The following EPB41L4A variants were observed in gnomAD, a reference collection of about 807,000 sequenced individuals.
The protein encoded by EPB41L4A is erythrocyte membrane protein band 4.1 like 4A, also known as band 4.1-like protein 4A.
A neutral mutation model predicts 108.6 loss-of-function variants in EPB41L4A; 100 were observed. The observed-to-expected ratio is 0.92, with a 90% CI of 0.78 to 1.09. The LOEUF (loss-of-function observed/expected upper bound fraction) is 1.09, where lower values mean the gene tolerates loss of function less well. EPB41L4A is among the 50% of genes least tolerant of loss of function. The pLI is 0.00. For missense variants in EPB41L4A, 1,030 were observed against 842.7 expected (o/e 1.22, Z -2.75); for synonymous variants, 319 against 289.0 (o/e 1.10, Z -1.05).
At chr5:112,226,911 A>T (rs1748493031) in intron 12 of EPB41L4A, among the ~76,000 whole-genome samples, 1 of 151,478 alleles carries the variant, frequency 6.6e-6, no homozygotes, top group Non-Finnish European at 1.5e-5. Flanking sequence ...ATGTGAATAT[A>T]TTTAATACTA....
chr5:112,262,855 G>C (rs1474003442), intron 6 of EPB41L4A, among the ~76,000 whole-genome samples: 1 of 152,018 alleles, frequency 6.6e-6, no homozygotes, highest in Non-Finnish European at 1.5e-5. Context: ...CTCAGTTTCA[G>C]AAACCCCTAA....
chr5:112,237,971 A>G (rs1008178583), intron 11 of EPB41L4A, among the ~76,000 whole-genome samples: 5 of 152,234 alleles, frequency 3.3e-5, no homozygotes, highest in African/African-American at 1.2e-4. Context: ...ATGATACTTA[A>G]TATGCAAAAT....
chr5:112,169,066 C>A lies in EPB41L4A; in HGVS notation c.1779G>T (p.Ser593=). 1 of 1,614,052 alleles carries A rather than the reference C, an allele frequency of 6.2e-7. No individual in the cohort carries two copies. Among genetic ancestry groups the A allele is most frequent in the Non-Finnish European group, 8.5e-7 (1 of 1,179,990 alleles). The change falls in exon 21 of 23, where the codon TCG becomes TCT. Residue 593 remains serine (S), a synonymous_variant. Coordinates refer to ENST00000261486, the MANE Select transcript of EPB41L4A (RefSeq NM_022140.5). ...TGCGATACTGGCGGTAACTTCGTGGCGAATGAGAATGCCTGATGCGGATTG... is the reference window on the plus strand; with the variant it reads ...TGCGATACTGGCGGTAACTTCGTGGAGAATGAGAATGCCTGATGCGGATTG... The part of the protein sequence containing the change: ...GDPIRIRHSH[S]PRSYRQYRRS...
intron 2 of EPB41L4A, among the ~76,000 whole-genome samples, chr5:112,302,222 T>C (rs1032462959): frequency 5.9e-5 from 9 of 152,092 alleles, no homozygotes; most frequent in African/African-American, 1.2e-4. Context: ...AAAAAATTCA[T>C]AGACCAGGTA....
Position 112,418,960 on chromosome 5 carries a change from G to C in EPB41L4A, c.80C>G (p.Thr27Ser). ...ACCCACCTTGATGCCCTGCTGCTGG[G>C]TGGTAAGGGTTAACTTGGATTCATC... ...LLDESKLTLT[T>S]QQQGIKKSTK... Residue 27 changes from threonine (T) to serine (S), a missense_variant, in exon 1 of 23, where the codon ACC becomes AGC. Transcript: ENST00000261486. 1 of 1,613,260 alleles carries C rather than the reference G, an allele frequency of 6.2e-7. No individual in the cohort carries two copies. The highest frequency in any genetic ancestry group is 8.5e-7 in the Non-Finnish European group (1 of 1,179,532).
intron 15 of EPB41L4A, 141 bp from the exon 16 acceptor site, chr5:112,195,849 A>G: frequency 1.4e-6 from 1 of 705,744 alleles, no homozygotes; most frequent in Admixed American, 2.6e-5. Flanking sequence ...TCATATGTAT[A>G]TGCCTAACCC....
intron 1 of EPB41L4A, among the ~76,000 whole-genome samples, chr5:112,314,470 C>T (rs185002809): frequency 8.0e-6 from 1 of 125,384 alleles, no homozygotes; most frequent in East Asian, 2.4e-4. Flanking sequence ...GAGTTCGACA[C>T]CTGCCTCACC....
At chr5:112,290,522 C>T (rs367603675) in intron 2 of EPB41L4A, among the ~76,000 whole-genome samples, 6 of 152,250 alleles carry the variant, frequency 3.9e-5, no homozygotes, top group African/African-American at 1.2e-4. Context: ...CGTGAGTGGA[C>T]TCTAAAATAA....
In EPB41L4A at chr5:112,419,082, G is replaced by A. The variant is rs201471943; in HGVS notation, c.-43C>T. ...CCAGCCAGGAGAGAAAGCTACCACC[G>A]AGGCGCCCAGCCGCCCCCTCCACTC... On this transcript the variant is annotated 5_prime_UTR_variant, in exon 1 of 23. Transcript: ENST00000261486. 8 of 1,474,462 alleles carry A rather than the reference G, an allele frequency of 5.4e-6. No individual in the cohort carries two copies. The highest frequency in any genetic ancestry group is 2.3e-5 in the East Asian group (1 of 43,636). The allele number at this position is 1,474,462 out of a possible 1,614,324, so 91.3% of individuals were successfully genotyped here.
At chr5:112,322,489 T>A (rs1196056433) in intron 1 of EPB41L4A, among the ~76,000 whole-genome samples, 4 of 152,120 alleles carry the variant, frequency 2.6e-5, no homozygotes, top group African/African-American at 7.2e-5. Context: ...GATTTTAAAG[T>A]TCCCTAAAGT....
chr5:112,169,170 C>T, intron 20 of EPB41L4A, 65 bp from the exon 21 acceptor site: 1 of 1,153,330 alleles, frequency 8.7e-7, no homozygotes, highest in Middle Eastern at 1.9e-4. Flanking sequence ...AGTAGGAGTT[C>T]TTAATATTGA....
chr5:112,371,886 T>C (rs1413000761), intron 1 of EPB41L4A, among the ~76,000 whole-genome samples: 1 of 152,122 alleles, frequency 6.6e-6, no homozygotes, highest in Non-Finnish European at 1.5e-5. Context: ...GAACATTATA[T>C]TCTAGTAGAG....
At chr5:112,333,218 G>T (rs936951741) in intron 1 of EPB41L4A, among the ~76,000 whole-genome samples, 4 of 151,916 alleles carry the variant, frequency 2.6e-5, no homozygotes, top group Non-Finnish European at 5.9e-5. Flanking sequence ...CCCTGAGCAG[G>T]TTTCATTTCT....
intron 2 of EPB41L4A, among the ~76,000 whole-genome samples, chr5:112,292,178 C>T (rs1753685724): frequency 6.6e-6 from 1 of 152,194 alleles, no homozygotes; most frequent in African/African-American, 2.4e-5. Context: ...TTGTGCCATA[C>T]TTCCTGAGAC....
intron 1 of EPB41L4A, among the ~76,000 whole-genome samples, chr5:112,374,568 T>A (rs907426180): frequency 6.6e-6 from 1 of 152,246 alleles, no homozygotes; most frequent in African/African-American, 2.4e-5. Flanking sequence ...CAGGTCTTCA[T>A]GGTGCATCTT....
chr5:112,156,742 A>T (rs1251991383), intron 12 of EPB41L4A, among the ~76,000 whole-genome samples: 1 of 152,192 alleles, frequency 6.6e-6, no homozygotes, highest in African/African-American at 2.4e-5. Flanking sequence ...TTGATCACAG[A>T]TCCAATGCAA....
At position 112,262,491 on chromosome 5, in the gene EPB41L4A, C is replaced by A; in HGVS notation, c.642+3G>T. Reference sequence around the variant, plus strand: ...TATTTTGTGTTAATTAAATGTTACTCACATAGACGGGATGGAGGTCAACGC... The same window carrying A: ...TATTTTGTGTTAATTAAATGTTACTAACATAGACGGGATGGAGGTCAACGC... On this transcript the variant is annotated splice_donor_region_variant and intron_variant, in intron 7 of 22. Transcript: ENST00000261486. 1 of 1,611,938 alleles carries A rather than the reference C, an allele frequency of 6.2e-7. No individual in the cohort carries two copies. Among genetic ancestry groups the A allele is most frequent in the Non-Finnish European group, 8.5e-7 (1 of 1,178,252 alleles).
At chr5:112,234,849 G>A in intron 11 of EPB41L4A, 94 bp from the exon 12 acceptor site, 6 of 1,365,530 alleles carry the variant, frequency 4.4e-6, no homozygotes, top group Admixed American at 4.3e-5. Flanking sequence ...AATATGGAGA[G>A]AAGAAAAAAC....
chr5:112,237,620 G>A (rs1291769879), intron 11 of EPB41L4A, among the ~76,000 whole-genome samples: 1 of 152,186 alleles, frequency 6.6e-6, no homozygotes, highest in Non-Finnish European at 1.5e-5. Context: ...GGAAGAGAAT[G>A]TGTTTCCAGA....
Sources: allele counts gnomAD v4.1 joint callset (sites outside exome capture counted in the v4.1 genomes callset), GRCh38; gene constraint gnomAD v4.1.1; transcripts MANE v1.5; gene names NCBI Gene and HGNC (gene_info 2026-07-23, HGNC 2026-07-21).